The following TOGARAM1 variants were observed in gnomAD, a reference collection of about 807,000 sequenced individuals.
TOGARAM1 encodes the protein TOG array regulator of axonemal microtubules protein 1.
A neutral mutation model predicts 166.6 loss-of-function variants in TOGARAM1; 100 were observed. The ratio of observed to expected loss-of-function variants is 0.60; its 90% confidence interval spans 0.51 to 0.71. The LOEUF is 0.71. TOGARAM1 is among the 30% of genes least tolerant of loss of function. The pLI, the probability that TOGARAM1 is intolerant of heterozygous loss-of-function variation, is 0.00. For synonymous variants in TOGARAM1, 758 were observed against 763.8 expected (o/e 0.99, Z 0.13); for missense variants, 2,029 against 2,102.7 (o/e 0.96, Z 0.69).
intron 1 of TOGARAM1, among the ~76,000 whole-genome samples, chr14:44,977,497 A>G (rs1343892507): frequency 6.6e-6 from 1 of 152,030 alleles, no homozygotes; most frequent in Non-Finnish European, 1.5e-5. Context: ...TGGCCACCCA[A>G]AGTGCTGGGA....
At chr14:44,987,158 G>A (rs1886863636) in intron 1 of TOGARAM1, among the ~76,000 whole-genome samples, 2 of 151,810 alleles carry the variant, frequency 1.3e-5, no homozygotes, top group African/African-American at 4.8e-5. Flanking sequence ...TGGCCAGGAT[G>A]GTCTCGATCT....
At chr14:45,005,520 G>A (rs1402508838) in intron 4 of TOGARAM1, among the ~76,000 whole-genome samples, 6 of 151,994 alleles carry the variant, frequency 3.9e-5, no homozygotes, top group East Asian at 3.9e-4. Flanking sequence ...AGGCTGAGGC[G>A]GGAGAATCGC....
Position 44,962,474 on chromosome 14 carries a change from C to G in TOGARAM1, c.53C>G (p.Ser18Cys). ...LLLLPPFPVL[S>C]TYRLQSRSRP... ...CTGCTGCCGCCCTTTCCAGTCCTCT[C>G]TACCTATCGGCTCCAGAGCCGCAGT... is the stretch of plus-strand genomic sequence containing the variant. Residue 18 changes from serine to cysteine, a missense_variant, in exon 1 of 20, where the codon TCT (serine) becomes TGT (cysteine). By Grantham distance (112) the Ser-to-Cys change is moderately radical (BLOSUM62 -1). Around this residue, in one of 2 missense-constraint regions of TOGARAM1, gnomAD observed 1,453 missense variants for 1,432.2 expected, o/e 1.01. Coordinates refer to ENST00000361462, the MANE Select transcript of TOGARAM1 (RefSeq NM_001308120.2). 6.2e-7 allele frequency: 1 copy of G among 1,606,616 alleles called. No homozygotes were observed.
chr14:44,990,162 G>T (rs1034734979), intron 1 of TOGARAM1, among the ~76,000 whole-genome samples: 1 of 152,204 alleles, frequency 6.6e-6, no homozygotes, highest in Admixed American at 6.5e-5. Context: ...TAAATGAAAA[G>T]ACAATAAGGA....
intron 13 of TOGARAM1, among the ~76,000 whole-genome samples, chr14:45,045,593 G>A (rs1270712085): frequency 3.3e-3 from 193 of 58,580 alleles, no homozygotes; most frequent in African/African-American, 0.012. Flanking sequence ...ATGTGTGTGT[G>A]TGTGTGTGTG....
Position 44,962,961 on chromosome 14 carries a change from T to C in TOGARAM1, c.540T>C (p.Leu180=), listed in dbSNP as rs777663506. 1.2e-6 allele frequency: 2 copies of C among 1,614,106 alleles called. No homozygotes were observed. Among genetic ancestry groups the C allele is most frequent in the Non-Finnish European group, 8.5e-7 (1 of 1,180,036 alleles). ...GQLEEAFSLA[L]LPQLVVSLRE... is the part of the protein sequence containing the mutation. ...TTGAAGAGGCCTTTAGCTTAGCACT[T>C]TTGCCTCAACTAGTTGTCTCGTTAC... The change falls in exon 1 of 20, where the codon CTT becomes CTC. Residue 180 remains leucine, a synonymous_variant. Coordinates refer to ENST00000361462, the MANE Select transcript of TOGARAM1 (RefSeq NM_001308120.2).
chr14:44,992,188 C>A (rs1213912667), intron 1 of TOGARAM1, among the ~76,000 whole-genome samples: 2 of 147,216 alleles, frequency 1.4e-5, no homozygotes, highest in Non-Finnish European at 1.5e-5. Context: ...ATGTAAAGTG[C>A]AAAAATCAGG....
intron 5 of TOGARAM1, among the ~76,000 whole-genome samples, 192 bp from the exon 6 acceptor site, chr14:45,008,721 G>T (rs1309137652): frequency 6.6e-6 from 1 of 152,084 alleles, no homozygotes; most frequent in Non-Finnish European, 1.5e-5. Flanking sequence ...CCAGTAGGTT[G>T]TTTATAAATA....
At chr14:45,048,264 ATC>A (rs1326819089) in intron 14 of TOGARAM1, among the ~76,000 whole-genome samples, 1 of 146,290 alleles carries the variant, frequency 6.8e-6, no homozygotes, top group Non-Finnish European at 1.5e-5. Context: ...AGGCAGGAGA[ATC>A]TCTTCAGCCA....
rs185659567 is a variant in TOGARAM1 at position 44,972,912 on chromosome 14, T to G, written c.2046+8445T>G. 1.9e-3 allele frequency among the ~76,000 whole-genome samples: 291 copies of G among 152,258 alleles called. 3 individuals are homozygous for G. The highest frequency in any genetic ancestry group is 6.5e-3 in the African/African-American group (269 of 41,564). Reference sequence around the variant, plus strand: ...GTTCAACATCATTTTGCTATAATGTTGATGAGGAAAAAAATTGGTTTTGTT... The same window carrying G: ...GTTCAACATCATTTTGCTATAATGTGGATGAGGAAAAAAATTGGTTTTGTT... On this transcript the variant is annotated intron_variant, in intron 1 of 19. Transcript: ENST00000361462.
chr14:44,963,846 C>G lies in TOGARAM1; in HGVS notation c.1425C>G (p.Leu475=). Residue 475 remains leucine (L), a synonymous_variant, in exon 1 of 20, where the codon CTC becomes CTG. Coordinates refer to ENST00000361462, the MANE Select transcript of TOGARAM1 (RefSeq NM_001308120.2). ...EVGPQQVLCL[L]LEHLKHKHSR... is the part of the protein sequence containing the mutation. ...GACCTCAGCAGGTGCTTTGTTTACT[C>G]CTGGAACATCTCAAACATAAGCATT... is the stretch of plus-strand genomic sequence containing the variant. The G allele has an allele frequency of 6.2e-7, 1 of 1,614,128 alleles. No homozygotes were observed. Among genetic ancestry groups the G allele is most frequent in the South Asian group, 1.1e-5 (1 of 91,076 alleles).
In TOGARAM1 at chr14:44,962,443, C is replaced by G; in HGVS notation, c.22C>G (p.Leu8Val). The G allele has an allele frequency of 6.4e-7, 1 of 1,571,902 alleles. No homozygotes were observed. Among genetic ancestry groups the G allele is most frequent in the Non-Finnish European group, 8.6e-7 (1 of 1,159,978 alleles). MAAAPSA[L>V]LLLPPFPVLS... The stretch of plus-strand genomic sequence containing the variant: ...CTGCATGGCGGCTGCCCCCTCCGCG[C>G]TGCTTCTGCTGCCGCCCTTTCCAGT... The change falls in exon 1 of 20, where the codon CTG becomes GTG. Residue 8 changes from leucine (L) to valine (V), a missense_variant. Physicochemically the swap from Leu to Val is conservative, Grantham distance 32. Coordinates refer to ENST00000361462, the MANE Select transcript of TOGARAM1 (RefSeq NM_001308120.2).
intron 10 of TOGARAM1, among the ~76,000 whole-genome samples, chr14:45,030,203 A>G (rs1881078814): frequency 6.6e-6 from 1 of 152,182 alleles, no homozygotes; most frequent in Admixed American, 6.5e-5. Context: ...CTTTTTCAAA[A>G]TAACATTCTT....
chr14:44,989,333 T>C (rs1298554993), intron 1 of TOGARAM1, among the ~76,000 whole-genome samples: 1 of 152,216 alleles, frequency 6.6e-6, no homozygotes, highest in Admixed American at 6.5e-5. Context: ...GTTCTTTAGC[T>C]TTAGAGTTCC....
chr14:45,029,351 A>C (rs1285023326), intron 10 of TOGARAM1, among the ~76,000 whole-genome samples: 1 of 152,254 alleles, frequency 6.6e-6, no homozygotes, highest in East Asian at 1.9e-4. Context: ...AATAGTAATA[A>C]ATCATAAATT....
intron 1 of TOGARAM1, among the ~76,000 whole-genome samples, chr14:44,972,513 G>A (rs1041741307): frequency 6.6e-6 from 1 of 151,950 alleles, no homozygotes; most frequent in Non-Finnish European, 1.5e-5. Flanking sequence ...ATTTTTTCTT[G>A]TAATTCTATC....
intron 14 of TOGARAM1, among the ~76,000 whole-genome samples, chr14:45,050,956 G>GC (rs1339264931): frequency 1.3e-5 from 2 of 152,148 alleles, no homozygotes; most frequent in African/African-American, 2.4e-5. Context: ...CAAGTTGTGA[G>GC]TAAAAGTGTA....
At chr14:45,001,274 A>G (rs1887680270) in intron 3 of TOGARAM1, among the ~76,000 whole-genome samples, 1 of 152,346 alleles carries the variant, frequency 6.6e-6, no homozygotes, top group East Asian at 1.9e-4. Context: ...TTGAAGACTT[A>G]AATGTAAGCT....
chr14:45,033,429 T>C (rs1437381466), intron 11 of TOGARAM1, among the ~76,000 whole-genome samples: 1 of 152,180 alleles, frequency 6.6e-6, no homozygotes, highest in African/African-American at 2.4e-5. Context: ...CTGAACTCTG[T>C]TGTTGCACAA....
Sources: gnomAD v4.1 joint callset for allele counts (sites outside exome capture counted in the v4.1 genomes callset) on GRCh38, gnomAD v4.1.1 for gene constraint, gnomAD v4.1.1 regional missense constraint, MANE v1.5 for transcripts, NCBI Gene and HGNC (gene_info 2026-07-23, HGNC 2026-07-21) for gene names.